The following NRXN3 variants were observed in gnomAD, a reference collection of about 807,000 sequenced individuals.
The protein encoded by NRXN3 is neurexin III.
Under a neutral mutation model 137.6 loss-of-function variants are expected in NRXN3, and 32 were observed. The observed-to-expected ratio is 0.23, with a 90% CI of 0.18 to 0.31. The LOEUF (loss-of-function observed/expected upper bound fraction) is 0.31. Ranked by LOEUF, NRXN3 falls within the 10% of genes least tolerant of loss-of-function variation. NRXN3 has a pLI of 1.00. For synonymous variants in NRXN3, 798 were observed against 784.5 expected (o/e 1.02, Z -0.29); for missense variants, 1,574 against 2,062.5 (o/e 0.76, Z 4.59).
At chr14:78,372,691 A>C (rs959636808) in intron 4 of NRXN3, among the ~76,000 whole-genome samples, 7 of 152,150 alleles carry the variant, frequency 4.6e-5, no homozygotes, top group Admixed American at 3.3e-4. Flanking sequence ...CTTGCAACAT[A>C]TTGGTGCTGT....
chr14:78,575,242 C>A (rs747641799), intron 4 of NRXN3, among the ~76,000 whole-genome samples: 4 of 152,132 alleles, frequency 2.6e-5, no homozygotes, highest in Non-Finnish European at 5.9e-5. Context: ...GGTATTTCCT[C>A]ATAGTAGCGC....
intron 18 of NRXN3, among the ~76,000 whole-genome samples, chr14:79,694,860 A>G (rs2098729393): frequency 6.6e-6 from 1 of 152,016 alleles, no homozygotes; most frequent in African/African-American, 2.4e-5. Flanking sequence ...AGAGGGTTTT[A>G]CTACAGCAGA....
chr14:79,138,319 A>C (rs2058453711), intron 15 of NRXN3, among the ~76,000 whole-genome samples: 2 of 152,096 alleles, frequency 1.3e-5, no homozygotes, highest in Admixed American at 1.3e-4. Flanking sequence ...ATGCCTGGCT[A>C]ATGCCTTTTA....
At chr14:79,695,209 AT>A (rs10715816) in intron 18 of NRXN3, among the ~76,000 whole-genome samples, 47,264 of 151,752 alleles carry the variant, frequency 0.31, 10,055 homozygotes, top group African/African-American at 0.6. Flanking sequence ...TCAGCTTTGC[AT>A]TTTCAGTTTT....
intron 10 of NRXN3, among the ~76,000 whole-genome samples, chr14:78,952,177 T>C (rs548329303): frequency 6.6e-6 from 1 of 152,220 alleles, no homozygotes; most frequent in South Asian, 2.1e-4. Flanking sequence ...AAGAATGAAA[T>C]GAACTATTTG....
intron 8 of NRXN3, among the ~76,000 whole-genome samples, chr14:78,776,314 C>A (rs932731896): frequency 3.8e-4 from 58 of 152,112 alleles, no homozygotes; most frequent in Non-Finnish European, 4.4e-5. Flanking sequence ...AAGGACCTGC[C>A]CTTTCATCAT....
chr14:78,700,120 T>C (rs577039907), intron 6 of NRXN3, among the ~76,000 whole-genome samples: 66 of 152,356 alleles, frequency 4.3e-4, no homozygotes, highest in African/African-American at 1.5e-3. Flanking sequence ...CCTTCAACTT[T>C]CTCTGTGCAT....
At chr14:78,946,162 C>T (rs73325326) in intron 10 of NRXN3, among the ~76,000 whole-genome samples, 285 of 152,250 alleles carry the variant, frequency 1.9e-3, no homozygotes, top group Non-Finnish European at 3.1e-3. Flanking sequence ...TGTCTTATGA[C>T]TATTGTCTGG....
At chr14:78,807,258 T>C (rs2098877847) in intron 9 of NRXN3, among the ~76,000 whole-genome samples, 1 of 152,222 alleles carries the variant, frequency 6.6e-6, no homozygotes, top group African/African-American at 2.4e-5. Flanking sequence ...GGAGCCCTTC[T>C]TCAATGGCAG....
chr14:78,554,334 C>T (rs2096719081), intron 4 of NRXN3, among the ~76,000 whole-genome samples: 1 of 152,122 alleles, frequency 6.6e-6, no homozygotes, highest in Admixed American at 6.5e-5. Context: ...AAGTAGAAGC[C>T]TCGGGCTGGG....
chr14:79,740,510 A>T (rs901691152), intron 19 of NRXN3, among the ~76,000 whole-genome samples: 3 of 151,264 alleles, frequency 2.0e-5, no homozygotes, highest in Non-Finnish European at 4.4e-5. Context: ...CTTTGTCTCA[A>T]TGAATGTGCC....
intron 15 of NRXN3, among the ~76,000 whole-genome samples, chr14:79,135,328 C>T (rs1014792591): frequency 7.9e-5 from 12 of 152,242 alleles, no homozygotes; most frequent in Non-Finnish European, 1.6e-4. Flanking sequence ...AGTTTCTCTC[C>T]CTCTCTCTTT....
At chr14:78,750,440 C>G (rs1030108134) in intron 8 of NRXN3, among the ~76,000 whole-genome samples, 2 of 151,882 alleles carry the variant, frequency 1.3e-5, no homozygotes, top group Admixed American at 1.3e-4. Flanking sequence ...GGAAAGACAG[C>G]CAAATTGGAA....
At chr14:79,472,698 T>G (rs2096525108) in intron 16 of NRXN3, among the ~76,000 whole-genome samples, 1 of 152,176 alleles carries the variant, frequency 6.6e-6, no homozygotes, top group Non-Finnish European at 1.5e-5. Context: ...GGAGAAAAGC[T>G]GCTATCGCTT....
chr14:79,673,861 A>AG (rs1255660734), intron 17 of NRXN3, among the ~76,000 whole-genome samples: 1 of 152,062 alleles, frequency 6.6e-6, no homozygotes, highest in Non-Finnish European at 1.5e-5. Flanking sequence ...AGTAGCCCCA[A>AG]GGGGTAGATA....
intron 15 of NRXN3, among the ~76,000 whole-genome samples, chr14:79,139,394 C>T (rs759889083): frequency 5.9e-5 from 9 of 152,152 alleles, no homozygotes; most frequent in African/African-American, 1.4e-4. Flanking sequence ...TTGATATATT[C>T]GGTTATAAGA....
intron 4 of NRXN3, among the ~76,000 whole-genome samples, chr14:78,532,760 C>G (rs1444229036): frequency 6.6e-6 from 1 of 151,922 alleles, no homozygotes; most frequent in Non-Finnish European, 1.5e-5. Flanking sequence ...TCCTTCGTAT[C>G]CAAATCATCA....
At chr14:78,896,208 G>A (rs1424256352) in intron 10 of NRXN3, among the ~76,000 whole-genome samples, 1 of 151,836 alleles carries the variant, frequency 6.6e-6, no homozygotes, top group Non-Finnish European at 1.5e-5. Flanking sequence ...CCTATTCTTT[G>A]AAGAGGCTTT....
intron 10 of NRXN3, among the ~76,000 whole-genome samples, chr14:78,825,675 C>G (rs2098964609): frequency 6.6e-6 from 1 of 152,192 alleles, no homozygotes; most frequent in Non-Finnish European, 1.5e-5. Flanking sequence ...CTTGTCTGAC[C>G]TTTCTGATTT....
Sources: gnomAD v4.1 joint callset for allele counts (sites outside exome capture counted in the v4.1 genomes callset) on GRCh38, gnomAD v4.1.1 for gene constraint, MANE v1.5 for transcripts, NCBI Gene and HGNC (gene_info 2026-07-23, HGNC 2026-07-21) for gene names.